DCAF6: variants seen among roughly 807,000 people sequenced by gnomAD.
DCAF6 encodes the protein DDB1- and CUL4-associated factor 6.
In DCAF6, 54 loss-of-function variants were observed where a neutral mutation model predicts 125.1. The ratio of observed to expected loss-of-function variants is 0.43; its 90% CI spans 0.35 to 0.54. DCAF6 has a LOEUF of 0.54. DCAF6 is among the 20% of genes least tolerant of loss of function. DCAF6 has a pLI of 0.01. For synonymous variants in DCAF6, 371 were observed against 390.4 expected (o/e 0.95, Z 0.58); for missense variants, 934 against 1,161.7 (o/e 0.80, Z 2.85).
At chr1:167,905,954 C>G in the DCAF6 span, among the ~76,000 whole-genome samples, 2 of 151,990 alleles carry the variant, frequency 1.3e-5, no homozygotes, top group Non-Finnish European at 2.9e-5. Context: ...AAGCAAACAC[C>G]CTTTACTTTT....
At chr1:168,005,349 T>G (rs1417228418) in intron 10 of DCAF6, among the ~76,000 whole-genome samples, 1 of 152,124 alleles carries the variant, frequency 6.6e-6, no homozygotes, top group Non-Finnish European at 1.5e-5. Context: ...TCTTGATACT[T>G]GATGCTAGTG....
chr1:168,060,776 G>A (rs1019412670), intron 17 of DCAF6, among the ~76,000 whole-genome samples: 1 of 152,024 alleles, frequency 6.6e-6, no homozygotes, highest in Non-Finnish European at 1.5e-5. Flanking sequence ...GTAGTCCCAG[G>A]TACTTGGGAG....
Position 167,936,980 on chromosome 1 carries a change from C to G in DCAF6, c.69C>G (p.Asp23Glu), listed in dbSNP as rs1245609380. Residue 23 changes from aspartate to glutamate, a missense_variant, in exon 1 of 22, where the codon GAC becomes GAG. This residue lies in a region of DCAF6 where 309 missense variants were observed against 381.2 expected (regional missense o/e 0.81). Transcript: ENST00000367840. ...GGAAAAGGTCCCTCGGGCTGGAGGA[C>G]CCGTCCCGGCTGCGGAGTCGCTACC... ...DVRKRSLGLE[D>E]PSRLRSRYLG... The G allele has an allele frequency of 1.2e-6, 2 of 1,610,826 alleles. No individual in the cohort carries two copies. Among genetic ancestry groups the G allele is most frequent in the South Asian group, 1.1e-5 (1 of 90,322 alleles).
At position 168,063,669 on chromosome 1, in the gene DCAF6, A is replaced by G; in HGVS notation, c.2349A>G (p.Glu783=). ...RIQEFFRRRK[E]RKEMEELDTL... ...AGGAGTTCTTCAGACGGAGAAAAGA[A>G]AGGAAAGAAATGGAAGAATTGGATA... is the stretch of plus-strand genomic sequence containing the variant. The change falls in exon 18 of 22, where the codon GAA becomes GAG. Residue 783 remains glutamate (E), a synonymous_variant. Transcript: ENST00000367840. 1 of 1,604,730 alleles carries G rather than the reference A, an allele frequency of 6.2e-7. No homozygotes were observed.
intron 4 of DCAF6, among the ~76,000 whole-genome samples, chr1:167,983,596 A>G (rs142374644): frequency 2.6e-5 from 4 of 152,366 alleles, no homozygotes; most frequent in Non-Finnish European, 5.9e-5. Flanking sequence ...CCTCAAGGTC[A>G]GCCAGAGATG....
the DCAF6 span, among the ~76,000 whole-genome samples, chr1:167,927,237 A>T: frequency 5.3e-5 from 8 of 152,200 alleles, no homozygotes; most frequent in African/African-American, 1.9e-4. Flanking sequence ...CCAAGGATAT[A>T]TTAGATTTCA....
intron 21 of DCAF6, among the ~76,000 whole-genome samples, chr1:168,071,909 A>G (rs1305736268): frequency 6.6e-6 from 1 of 152,136 alleles, no homozygotes; most frequent in African/African-American, 2.4e-5. Context: ...CAAGCTTAGT[A>G]GCACATTTAG....
upstream of DCAF6, among the ~76,000 whole-genome samples, chr1:167,932,614 G>C (rs1670941039): frequency 6.6e-6 from 1 of 151,980 alleles, no homozygotes; most frequent in Non-Finnish European, 1.5e-5. Flanking sequence ...TTTGAGACCA[G>C]CCTGGCCAAC....
At chr1:168,036,509 A>G (rs1687826782) in intron 12 of DCAF6, among the ~76,000 whole-genome samples, 1 of 152,244 alleles carries the variant, frequency 6.6e-6, no homozygotes, top group Non-Finnish European at 1.5e-5. Context: ...AGTTTCCTTA[A>G]TCATCCAATC....
rs1236717769 is a variant in DCAF6, at chr1:168,072,916, AAT to A, written c.2792-2454_2792-2453del. 2.6e-5 allele frequency among the ~76,000 whole-genome samples: 4 copies of A among 152,198 alleles called. No homozygotes were observed. The East Asian group carries it at 7.7e-4, about 29-fold the overall frequency. ...ACAGAATAAAAGGAACCTTTCTACA[AAT>A]GTAAACCTTATTTACAAAAGCAATT... On this transcript the variant is annotated intron_variant, in intron 21 of 21. Coordinates refer to ENST00000367840, the MANE Select transcript of DCAF6 (RefSeq NM_001198956.2).
intron 10 of DCAF6, among the ~76,000 whole-genome samples, chr1:168,011,035 C>G (rs1684204017): frequency 6.6e-6 from 1 of 151,236 alleles, no homozygotes. Context: ...ACCTTTAGGG[C>G]TCATATTGAG....
In DCAF6 at chr1:168,063,711, G is replaced by A; in HGVS notation, c.2391G>A (p.Arg797=). ...AATTGGATACTTTGAACATTAGAAG[G>A]CCGCTAGTAAAAATGGTTTATAAAG... The part of the protein sequence containing the change: ...MEELDTLNIR[R]PLVKMVYKGH... Residue 797 remains arginine (R), a synonymous_variant, in exon 18 of 22, where the codon AGG becomes AGA. Coordinates refer to ENST00000367840, the MANE Select transcript of DCAF6 (RefSeq NM_001198956.2). 3 of 1,604,574 alleles carry A rather than the reference G, an allele frequency of 1.9e-6. No homozygotes were observed. Among genetic ancestry groups the A allele is most frequent in the South Asian group, 1.1e-5 (1 of 89,326 alleles).
Position 167,974,838 on chromosome 1 carries a change from A to G in DCAF6, c.261A>G (p.Thr87=). 6.5e-7 allele frequency: 1 copy of G among 1,529,892 alleles called. No individual in the cohort carries two copies. The highest frequency in any genetic ancestry group is 8.8e-7 in the Non-Finnish European group (1 of 1,139,936). The allele number at this position is 1,529,892 out of a possible 1,614,324, so 94.8% of individuals were successfully genotyped here. ...ISNPYSRKVL[T]TIRSGHRANI... is the part of the protein sequence containing the mutation. The stretch of plus-strand genomic sequence containing the variant: ...TTCTTTGTGTGTTTTAGGTTTTGAC[A>G]ACAATTCGTTCAGGGCACCGAGCAA... Residue 87 remains threonine, a synonymous_variant, in exon 4 of 22, where the codon ACA becomes ACG. Coordinates refer to ENST00000367840, the MANE Select transcript of DCAF6 (RefSeq NM_001198956.2).
the DCAF6 span, chr1:167,878,631 A>G: frequency 6.2e-7 from 1 of 1,613,934 alleles, no homozygotes. Context: ...CTTTTTGACC[A>G]ATGACTATAG....
chr1:168,037,353 T>G (rs181950704), intron 12 of DCAF6, among the ~76,000 whole-genome samples: 2 of 152,300 alleles, frequency 1.3e-5, no homozygotes, highest in East Asian at 3.9e-4. Flanking sequence ...GAGAAGTTTA[T>G]TTTTAGTATT....
At chr1:168,039,977 C>T (rs1259019816) in intron 13 of DCAF6, among the ~76,000 whole-genome samples, 1 of 151,734 alleles carries the variant, frequency 6.6e-6, no homozygotes, top group Non-Finnish European at 1.5e-5. Flanking sequence ...AAAACCCCTG[C>T]CTTATTGGAA....
At chr1:167,906,182 G>A in the DCAF6 span, among the ~76,000 whole-genome samples, 1 of 151,738 alleles carries the variant, frequency 6.6e-6, no homozygotes, top group Non-Finnish European at 1.5e-5. Context: ...ATAACTCAGG[G>A]AAAAATATTT....
chr1:168,040,631 C>G (rs993159938), intron 13 of DCAF6, among the ~76,000 whole-genome samples: 2 of 151,218 alleles, frequency 1.3e-5, no homozygotes, highest in African/African-American at 2.4e-5. Context: ...GACAGTAGGT[C>G]ATCGTACTTA....
chr1:167,885,447 G>GTT, the DCAF6 span, among the ~76,000 whole-genome samples: 1 of 152,034 alleles, frequency 6.6e-6, no homozygotes, highest in African/African-American at 2.4e-5. Flanking sequence ...CCTGTCCAGC[G>GTT]TTTGTTATTG....
Sources: gnomAD v4.1 joint callset for allele counts (sites outside exome capture counted in the v4.1 genomes callset) on GRCh38, gnomAD v4.1.1 for gene constraint, gnomAD v4.1.1 regional missense constraint, MANE v1.5 for transcripts, NCBI Gene and HGNC (gene_info 2026-07-23, HGNC 2026-07-21) for gene names.